CLSTN2: variants seen among roughly 807,000 people sequenced by gnomAD.
CLSTN2 encodes calsyntenin 2, also known as calsyntenin-2.
In CLSTN2, 48 loss-of-function variants were observed where a neutral mutation model predicts 101.2. The ratio of observed to expected loss-of-function variants is 0.47; its 90% CI spans 0.38 to 0.60. The LOEUF is 0.60. Among genes scored for constraint, CLSTN2 ranks in the 20% least tolerant of loss-of-function variants. The probability of loss-of-function intolerance (pLI) is 0.00; values close to 1 mark genes in which losing one functional copy is unlikely to be tolerated. For synonymous variants in CLSTN2, 481 were observed against 463.6 expected, an observed-to-expected ratio of 1.04 and a Z score of -0.48; for missense variants, 1,160 against 1,238.2, an observed-to-expected ratio of 0.94 and a Z score of 0.95.
chr3:140,248,627 G>A (rs949146267), intron 2 of CLSTN2, among the ~76,000 whole-genome samples: 1 of 152,196 alleles, frequency 6.6e-6, no homozygotes, highest in Non-Finnish European at 1.5e-5. Flanking sequence ...GGACTCGTTA[G>A]TTAATAACAG....
chr3:140,093,221 A>G (rs985700913), intron 1 of CLSTN2, among the ~76,000 whole-genome samples: 1 of 152,148 alleles, frequency 6.6e-6, no homozygotes. Context: ...TCCCTGAGCC[A>G]TTATTTCACA....
At chr3:140,021,945 G>A (rs1333404594) in intron 1 of CLSTN2, among the ~76,000 whole-genome samples, 7 of 152,216 alleles carry the variant, frequency 4.6e-5, no homozygotes. Flanking sequence ...ATGACTTGCC[G>A]AGTCAGGCGG....
rs141202861 is a variant in CLSTN2, at chr3:140,434,680, T to C, written c.787+13406T>C. 1.6e-4 allele frequency among the ~76,000 whole-genome samples: 25 copies of C among 152,316 alleles called. 1 individual carries two copies. The East Asian group carries it at 4.8e-3, about 29-fold the overall frequency. On this transcript the variant is annotated intron_variant, in intron 5 of 16. Coordinates refer to ENST00000458420, the MANE Select transcript of CLSTN2 (RefSeq NM_022131.3). Reference sequence around the variant, plus strand: ...TGATGGGAAGGAGCAGGGAACAGCATCTGCAGGAGAGCTTGCTGCTTAACT... The same window carrying C: ...TGATGGGAAGGAGCAGGGAACAGCACCTGCAGGAGAGCTTGCTGCTTAACT...
chr3:140,149,250 T>C (rs1320256), intron 1 of CLSTN2, among the ~76,000 whole-genome samples: 133,428 of 151,722 alleles, frequency 0.88, 58,919 homozygotes, highest in African/African-American at 0.95. Context: ...TACAGGGGTG[T>C]CAGCATGGTA....
chr3:139,992,999 CTCTT>C (rs1158410121), intron 1 of CLSTN2, among the ~76,000 whole-genome samples: 2 of 152,148 alleles, frequency 1.3e-5, no homozygotes, highest in Non-Finnish European at 2.9e-5. Context: ...TTGCAGTTCT[CTCTT>C]TCTTCTAAAG....
At chr3:140,441,619 T>C (rs750846129) in intron 5 of CLSTN2, among the ~76,000 whole-genome samples, 1 of 152,180 alleles carries the variant, frequency 6.6e-6, no homozygotes, top group Non-Finnish European at 1.5e-5. Flanking sequence ...ACCCCTCACT[T>C]TCAGCCTCTG....
At chr3:140,559,240 T>C (rs1304594144) in intron 12 of CLSTN2, among the ~76,000 whole-genome samples, 1 of 151,946 alleles carries the variant, frequency 6.6e-6, no homozygotes, top group Non-Finnish European at 1.5e-5. Context: ...CTGAGAGGCA[T>C]AACGAGAGCC....
chr3:139,989,357 G>C (rs1456506815), intron 1 of CLSTN2, among the ~76,000 whole-genome samples: 1 of 152,100 alleles, frequency 6.6e-6, no homozygotes, highest in Non-Finnish European at 1.5e-5. Flanking sequence ...ATGCTTTCCA[G>C]CTGTGGTTGT....
At chr3:139,960,315 C>G (rs551799486) in intron 1 of CLSTN2, among the ~76,000 whole-genome samples, 3 of 152,306 alleles carry the variant, frequency 2.0e-5, no homozygotes, top group African/African-American at 7.2e-5. Flanking sequence ...CTCTTTCTCA[C>G]CCTGGTTCAA....
intron 1 of CLSTN2, among the ~76,000 whole-genome samples, chr3:140,139,904 A>G (rs767630605): frequency 6.6e-5 from 10 of 152,202 alleles, no homozygotes; most frequent in African/African-American, 1.2e-4. Context: ...CTTCAGTTCT[A>G]TATCTGAAAC....
intron 1 of CLSTN2, among the ~76,000 whole-genome samples, chr3:140,172,639 A>G (rs533524157): frequency 6.6e-6 from 1 of 152,328 alleles, no homozygotes; most frequent in South Asian, 2.1e-4. Context: ...AGACTAGGCA[A>G]TTTACAAAAG....
intron 2 of CLSTN2, among the ~76,000 whole-genome samples, chr3:140,327,921 C>T (rs776232067): frequency 3.8e-4 from 58 of 152,292 alleles, no homozygotes; most frequent in Admixed American, 8.5e-4. Flanking sequence ...ATTAAATTAG[C>T]CAAAAGCTGA....
intron 1 of CLSTN2, among the ~76,000 whole-genome samples, chr3:140,139,004 A>G (rs540122803): frequency 1.3e-5 from 2 of 152,356 alleles, no homozygotes; most frequent in East Asian, 3.9e-4. Context: ...ATATTGAGCA[A>G]ATTAATTATT....
intron 2 of CLSTN2, among the ~76,000 whole-genome samples, chr3:140,392,314 T>C (rs1001949250): frequency 1.3e-5 from 2 of 151,892 alleles, no homozygotes; most frequent in Non-Finnish European, 2.9e-5. Flanking sequence ...AAATAAAAAA[T>C]TGTTAATGAG....
chr3:140,113,224 C>T (rs1236381862), intron 1 of CLSTN2, among the ~76,000 whole-genome samples: 1 of 152,214 alleles, frequency 6.6e-6, no homozygotes, highest in Non-Finnish European at 1.5e-5. Context: ...AGCCAGTTTA[C>T]TAGCATACCA....
At chr3:140,200,233 T>C (rs2010700662) in intron 2 of CLSTN2, among the ~76,000 whole-genome samples, 1 of 152,206 alleles carries the variant, frequency 6.6e-6, no homozygotes, top group South Asian at 2.1e-4. Context: ...TATGGTATGA[T>C]GCAGTGGTTT....
intron 2 of CLSTN2, among the ~76,000 whole-genome samples, chr3:140,313,632 T>A (rs755954964): frequency 3.3e-5 from 5 of 152,168 alleles, no homozygotes; most frequent in Non-Finnish European, 5.9e-5. Flanking sequence ...AAGAGTGAAA[T>A]GACGCAGAGC....
intron 2 of CLSTN2, among the ~76,000 whole-genome samples, chr3:140,228,002 C>G (rs568232878): frequency 2.0e-5 from 3 of 152,222 alleles, no homozygotes; most frequent in Non-Finnish European, 2.9e-5. Context: ...CTCTGACATG[C>G]CCTGGAGACA....
intron 5 of CLSTN2, among the ~76,000 whole-genome samples, chr3:140,442,072 A>G (rs941018229): frequency 1.4e-4 from 22 of 152,160 alleles, no homozygotes; most frequent in African/African-American, 4.1e-4. Context: ...CTGCAATGCT[A>G]TATTAACCAT....
Sources: allele counts gnomAD v4.1 joint callset (sites outside exome capture counted in the v4.1 genomes callset), GRCh38; gene constraint gnomAD v4.1.1; transcripts MANE v1.5; gene names NCBI Gene and HGNC (gene_info 2026-07-23, HGNC 2026-07-21).